The following MAGI2 variants were observed in gnomAD, a reference collection of about 807,000 sequenced individuals.
The protein encoded by MAGI2 is membrane-associated guanylate kinase, WW and PDZ domain-containing protein 2.
Under a neutral mutation model 133.3 loss-of-function variants are expected in MAGI2, and 35 were observed. That is an observed-to-expected ratio of 0.26 (90% CI 0.20 to 0.35). The LOEUF (loss-of-function observed/expected upper bound fraction) is 0.35, where lower values mean the gene tolerates loss of function less well. Ranked by LOEUF, MAGI2 falls within the 10% of genes least tolerant of loss-of-function variation. MAGI2 has a pLI of 1.00. For synonymous variants in MAGI2, 729 were observed against 710.6 expected (o/e 1.03, Z -0.41); for missense variants, 1,636 against 1,863.4 (o/e 0.88, Z 2.25).
intron 2 of MAGI2, among the ~76,000 whole-genome samples, chr7:78,814,925 A>T (rs1393614729): frequency 6.6e-6 from 1 of 152,040 alleles, no homozygotes; most frequent in Non-Finnish European, 1.5e-5. Flanking sequence ...ATGGAGTCTC[A>T]CTTTGTTGCA....
At chr7:78,919,872 C>A (rs528688758) in intron 2 of MAGI2, among the ~76,000 whole-genome samples, 25 of 152,190 alleles carry the variant, frequency 1.6e-4, no homozygotes, top group African/African-American at 6.0e-4. Flanking sequence ...TCATTCACTT[C>A]CATTCTTTCA....
chr7:78,730,988 T>G (rs1821318547), intron 2 of MAGI2, among the ~76,000 whole-genome samples: 1 of 152,042 alleles, frequency 6.6e-6, no homozygotes. Context: ...TTTAATACAA[T>G]TTTCCTCAAA....
At chr7:79,026,264 AT>A (rs1240748570) in intron 1 of MAGI2, among the ~76,000 whole-genome samples, 2 of 152,220 alleles carry the variant, frequency 1.3e-5, no homozygotes, top group Admixed American at 1.3e-4. Context: ...GTTGTCCATA[AT>A]TTTTAAACCT....
intron 1 of MAGI2, among the ~76,000 whole-genome samples, chr7:79,308,624 TG>T (rs1348250266): frequency 1.3e-5 from 2 of 152,164 alleles, no homozygotes; most frequent in Non-Finnish European, 2.9e-5. Context: ...AACCTCTAAT[TG>T]CTTAAAGTAA....
intron 1 of MAGI2, among the ~76,000 whole-genome samples, chr7:79,162,445 A>G (rs1824461578): frequency 6.6e-6 from 1 of 152,042 alleles, no homozygotes; most frequent in Admixed American, 6.6e-5. Flanking sequence ...CTATCGAGGA[A>G]GAGGTGAGTG....
intron 2 of MAGI2, among the ~76,000 whole-genome samples, chr7:78,937,521 T>C (rs1037975256): frequency 2.6e-5 from 4 of 152,114 alleles, no homozygotes; most frequent in Non-Finnish European, 5.9e-5. Flanking sequence ...CCATAATACT[T>C]ATCAAAGAGG....
chr7:78,201,309 C>A, intron 10 of MAGI2, 116 bp from the exon 11 acceptor site: 1 of 511,708 alleles, frequency 2.0e-6, no homozygotes, highest in South Asian at 3.8e-5. Context: ...CGAACAATAA[C>A]AAAAACTTCT....
At chr7:78,661,056 C>G (rs1812901917) in intron 2 of MAGI2, among the ~76,000 whole-genome samples, 2 of 152,158 alleles carry the variant, frequency 1.3e-5, no homozygotes, top group African/African-American at 4.8e-5. Flanking sequence ...GTATCACTCA[C>G]TAGACCTTCT....
intron 2 of MAGI2, among the ~76,000 whole-genome samples, chr7:78,676,618 A>G (rs758098858): frequency 6.6e-6 from 1 of 152,122 alleles, no homozygotes; most frequent in Admixed American, 6.6e-5. Flanking sequence ...ATCCAGTGTC[A>G]CAGTTGATTA....
At chr7:78,049,699 A>T (rs529942889) in intron 21 of MAGI2, among the ~76,000 whole-genome samples, 1 of 152,336 alleles carries the variant, frequency 6.6e-6, no homozygotes, top group South Asian at 2.1e-4. Context: ...TTGATAAACA[A>T]AACCCATCAG....
chr7:78,666,443 T>C (rs1184513847), intron 2 of MAGI2, among the ~76,000 whole-genome samples: 1 of 152,164 alleles, frequency 6.6e-6, no homozygotes, highest in Non-Finnish European at 1.5e-5. Context: ...GTTGCTCTTG[T>C]TGTTTTCTCT....
intron 1 of MAGI2, among the ~76,000 whole-genome samples, chr7:79,247,108 C>G (rs1444651337): frequency 5.9e-5 from 9 of 152,042 alleles, no homozygotes; most frequent in Admixed American, 5.9e-4. Context: ...AAACCTGTGA[C>G]ATTTCATCAA....
At chr7:78,604,517 C>G (rs931483241) in intron 3 of MAGI2, among the ~76,000 whole-genome samples, 5 of 152,174 alleles carry the variant, frequency 3.3e-5, no homozygotes, top group Admixed American at 3.3e-4. Flanking sequence ...AATTCATTCA[C>G]TAAGCAAATA....
At chr7:78,137,475 G>A (rs1244051601) in intron 16 of MAGI2, among the ~76,000 whole-genome samples, 1 of 152,096 alleles carries the variant, frequency 6.6e-6, no homozygotes, top group African/African-American at 2.4e-5. Flanking sequence ...AAATATTTCT[G>A]ATATCACTAT....
At chr7:79,018,299 G>A (rs1350505416) in intron 1 of MAGI2, among the ~76,000 whole-genome samples, 1 of 152,052 alleles carries the variant, frequency 6.6e-6, no homozygotes, top group Admixed American at 6.5e-5. Flanking sequence ...GTCTAACTAA[G>A]CTTTCGAAGT....
intron 2 of MAGI2, among the ~76,000 whole-genome samples, chr7:78,991,311 C>T (rs1405839861): frequency 1.4e-5 from 2 of 148,080 alleles, no homozygotes; most frequent in Non-Finnish European, 3.0e-5. Context: ...CTAATAGACA[C>T]ACACATACAC....
chr7:79,325,167 G>A (rs962606503), intron 1 of MAGI2, among the ~76,000 whole-genome samples: 2 of 152,040 alleles, frequency 1.3e-5, no homozygotes, highest in Non-Finnish European at 2.9e-5. Context: ...GCAGGATGCT[G>A]TCCATCCAAC....
intron 6 of MAGI2, among the ~76,000 whole-genome samples, chr7:78,404,367 C>G (rs1230706078): frequency 1.3e-5 from 2 of 152,158 alleles, no homozygotes; most frequent in Non-Finnish European, 2.9e-5. Flanking sequence ...CCAAGTCAAT[C>G]CTAAGCCAAA....
chr7:78,564,221 C>T (rs1800699305), intron 3 of MAGI2, among the ~76,000 whole-genome samples: 1 of 152,156 alleles, frequency 6.6e-6, no homozygotes. Flanking sequence ...TGAGGCTAGG[C>T]TCATGGATAC....
Sources: allele counts gnomAD v4.1 joint callset (sites outside exome capture counted in the v4.1 genomes callset), GRCh38; gene constraint gnomAD v4.1.1; transcripts MANE v1.5; gene names NCBI Gene and HGNC (gene_info 2026-07-23, HGNC 2026-07-21).